The following PEX1 variants were observed in gnomAD, a reference collection of about 807,000 sequenced individuals.
The protein encoded by PEX1 is peroxisomal ATPase PEX1.
Under a neutral mutation model 152.5 loss-of-function variants are expected in PEX1, and 97 were observed. That is an observed-to-expected ratio of 0.64 (90% CI 0.54 to 0.75). The LOEUF is 0.75. Ranked by LOEUF, PEX1 falls within the 30% of genes least tolerant of loss-of-function variation. PEX1 has a pLI of 0.00. For synonymous variants in PEX1, 485 were observed against 531.6 expected, an observed-to-expected ratio of 0.91 and a Z score of 1.21; for missense variants, 1,357 against 1,516.3, an observed-to-expected ratio of 0.89 and a Z score of 1.74.
chr7:92,498,248 A>AG (rs1269866315), intron 16 of PEX1, among the ~76,000 whole-genome samples: 2 of 151,998 alleles, frequency 1.3e-5, no homozygotes, highest in African/African-American at 4.8e-5. Context: ...TCACGTCTGT[A>AG]ATCCCAGAAC....
At chr7:92,526,931 CAT>C (rs1163384096) in intron 1 of PEX1, among the ~76,000 whole-genome samples, 1 of 152,056 alleles carries the variant, frequency 6.6e-6, no homozygotes, top group Non-Finnish European at 1.5e-5. Flanking sequence ...TTCTATAAAA[CAT>C]AAATTCTATA....
At chr7:92,515,016 C>G (rs112653701) in intron 5 of PEX1, among the ~76,000 whole-genome samples, 1 of 143,568 alleles carries the variant, frequency 7.0e-6, no homozygotes, top group Non-Finnish European at 1.5e-5. Context: ...CACCACACTC[C>G]GGCCTGGGCG....
rs746349696 is a variant in PEX1 at position 92,511,656 on chromosome 7, C to A, written c.1407G>T (p.Trp469Cys). Residue 469 changes from tryptophan to cysteine, a missense_variant, in exon 7 of 24, where the codon TGG becomes TGT. Trp to Cys is a radical substitution (Grantham distance 215, BLOSUM62 -2). Coordinates refer to ENST00000248633, the MANE Select transcript of PEX1 (RefSeq NM_000466.3). The stretch of plus-strand genomic sequence containing the variant: ...GCATGGTGGTAGTAGACTGCTGTAG[C>A]CATGAATAAAATACAGTTTTTATGT... Reference protein sequence around the residue: ...EEDIKTVFYSWLQQSTTTMLP... With the variant: ...EEDIKTVFYSCLQQSTTTMLP... 2.5e-6 allele frequency: 4 copies of A among 1,611,628 alleles called. No individual in the cohort carries two copies. The Admixed American group carries it at 5.0e-5, about 20-fold the overall frequency.
intron 19 of PEX1, chr7:92,493,856 T>C (rs1585219512): frequency 5.1e-6 from 1 of 195,766 alleles, no homozygotes; most frequent in South Asian, 9.7e-5. Context: ...ATTTGTTTGC[T>C]TCTAAATTGG....
At chr7:92,507,263 G>T in intron 9 of PEX1, 137 bp from the exon 10 acceptor site, 1 of 709,908 alleles carries the variant, frequency 1.4e-6, no homozygotes, top group Non-Finnish European at 2.2e-6. Flanking sequence ...TTTTGAGAAA[G>T]GGGCTTGCTG....
Position 92,506,741 on chromosome 7 carries a change from C to A in PEX1, c.1803+253G>T, listed in dbSNP as rs76363051. Reference sequence around the variant, plus strand: ...CACCTAATAGCCTAAAAAAGAAAAACCATATAATTGTATCAACTGACACAG... The same window carrying A: ...CACCTAATAGCCTAAAAAAGAAAAAACATATAATTGTATCAACTGACACAG... On this transcript the variant is annotated intron_variant, in intron 10 of 23. Transcript: ENST00000248633. 9.1e-4 allele frequency: 493 copies of A among 539,332 alleles called. 1 individual carries two copies. The East Asian group carries it at 0.014, about 15-fold the overall frequency. The allele number at this position is 539,332 out of a possible 1,614,324, so 33.4% of individuals were successfully genotyped here.
At chr7:92,497,486 T>C (rs1791709809) in intron 16 of PEX1, among the ~76,000 whole-genome samples, 2 of 151,024 alleles carry the variant, frequency 1.3e-5, no homozygotes, top group South Asian at 4.2e-4. Flanking sequence ...TAATCTTCCC[T>C]AAAAGCCAAC....
At chr7:92,507,981 T>C (rs1049441063) in intron 9 of PEX1, among the ~76,000 whole-genome samples, 1 of 152,130 alleles carries the variant, frequency 6.6e-6, no homozygotes, top group African/African-American at 2.4e-5. Context: ...TTTTAAAATA[T>C]GCAGTTACTA....
rs545386280 is a variant in PEX1 at position 92,509,265 on chromosome 7, A to G, written c.1670+64T>C. The G allele has an allele frequency of 4.5e-5, 47 of 1,055,326 alleles. 1 individual carries two copies. The highest frequency in any genetic ancestry group is 1.5e-4 in the Admixed American group (9 of 58,894). 65.4% of individuals were successfully genotyped at this position (1,055,326 alleles called of 1,614,324 possible). On this transcript the variant is annotated intron_variant, in intron 9 of 23. Transcript: ENST00000248633. ...AACATCTACTTTAATATTTACATTGAAAACTCTGCCAGATATAGTGTTAAA... is the reference window on the plus strand; with the variant it reads ...AACATCTACTTTAATATTTACATTGGAAACTCTGCCAGATATAGTGTTAAA...
chr7:92,501,515 G>T lies in PEX1; in HGVS notation c.2575C>A (p.Pro859Thr), dbSNP rs1214888465. 1.2e-6 allele frequency: 2 copies of T among 1,612,858 alleles called. No individual in the cohort carries two copies. Among genetic ancestry groups the T allele is most frequent in the Non-Finnish European group, 1.7e-6 (2 of 1,178,992 alleles). ...TCTTTTTTTAAACATACCTTGGCAGGTAACTGGATAGTATCCATGAGTATC... is the reference window on the plus strand; with the variant it reads ...TCTTTTTTTAAACATACCTTGGCAGTTAACTGGATAGTATCCATGAGTATC... Reference protein sequence around the residue: ...RQILMDTIQLPAKYPELFANL... With the variant: ...RQILMDTIQLTAKYPELFANL... Residue 859 changes from proline (P) to threonine (T), a missense_variant, in exon 15 of 24, where the codon CCT becomes ACT. Transcript: ENST00000248633.
chr7:92,517,508 A>G lies in PEX1; in HGVS notation c.1007T>C (p.Val336Ala), dbSNP rs1792849176. Residue 336 changes from valine to alanine, a missense_variant, in exon 5 of 24, where the codon GTT becomes GCT. By Grantham distance (64) the Val-to-Ala change is moderately conservative. Coordinates refer to ENST00000248633, the MANE Select transcript of PEX1 (RefSeq NM_000466.3). ...PSFTVTYGKL[V>A]KLLSPKQQQS... Reference sequence around the variant, plus strand: ...CTGTTGCTTTGGAGAAAGTAGCTTAACTAGCTTTCCATATGTCACAGTAAA... The same window carrying G: ...CTGTTGCTTTGGAGAAAGTAGCTTAGCTAGCTTTCCATATGTCACAGTAAA... The G allele has an allele frequency of 1.9e-6, 3 of 1,614,026 alleles. No homozygotes were observed. Among genetic ancestry groups the G allele is most frequent in the Non-Finnish European group, 2.5e-6 (3 of 1,179,994 alleles).
At position 92,504,893 on chromosome 7, in the gene PEX1, A is replaced by T. The variant is rs2116166330; in HGVS notation, c.1910T>A (p.Leu637His). 1 of 1,612,840 alleles carries T rather than the reference A, an allele frequency of 6.2e-7. No homozygotes were observed. Among genetic ancestry groups the T allele is most frequent in the South Asian group, 1.1e-5 (1 of 91,050 alleles). ...VDCKALRGKR[L>H]ENIQKTLEVA... ...CTCTAGGGTTTTTTGTATGTTTTCAAGCCTTTTTCCTTAATACAGAAGATA... is the reference window on the plus strand; with the variant it reads ...CTCTAGGGTTTTTTGTATGTTTTCATGCCTTTTTCCTTAATACAGAAGATA... Residue 637 changes from leucine (L) to histidine (H), a missense_variant, in exon 12 of 24, where the codon CTT becomes CAT. Physicochemically the swap from Leu to His is moderately conservative, Grantham distance 99. Coordinates refer to ENST00000248633, the MANE Select transcript of PEX1 (RefSeq NM_000466.3).
chr7:92,489,698 G>A lies in PEX1; in HGVS notation c.3636+16C>T. 2.5e-6 allele frequency: 4 copies of A among 1,604,512 alleles called. No homozygotes were observed. Among genetic ancestry groups the A allele is most frequent in the East Asian group, 2.2e-5 (1 of 44,822 alleles). On this transcript the variant is annotated intron_variant, in intron 22 of 23. Coordinates refer to ENST00000248633, the MANE Select transcript of PEX1 (RefSeq NM_000466.3). The stretch of plus-strand genomic sequence containing the variant: ...AAGAAGTTTTAACAATTATAATGAG[G>A]GGGAAAAAGCCATACTCCACTTTGG...
At chr7:92,504,662 T>G in intron 12 of PEX1, 70 bp downstream of exon 12, 1 of 1,425,648 alleles carries the variant, frequency 7.0e-7, no homozygotes, top group Non-Finnish European at 9.8e-7. Flanking sequence ...AGAGAGTAGA[T>G]TTATTGTTAA....
chr7:92,492,465 C>A lies in PEX1; in HGVS notation c.3207+488G>T, dbSNP rs1168590300. On this transcript the variant is annotated intron_variant, in intron 20 of 23. Coordinates refer to ENST00000248633, the MANE Select transcript of PEX1 (RefSeq NM_000466.3). ...TACAGGCGTGAACCACTGCACCTGG[C>A]CAAGAATAACTTACTGTATCTGGAA... Among the ~76,000 whole-genome samples the A allele has an allele frequency of 5.3e-5, 8 of 152,178 alleles. No individual in the cohort carries two copies. In the South Asian group the frequency reaches 1.5e-3, roughly 28 times the overall value.
chr7:92,495,582 T>A (rs1033099206), intron 17 of PEX1, among the ~76,000 whole-genome samples: 1 of 152,178 alleles, frequency 6.6e-6, no homozygotes, highest in Non-Finnish European at 1.5e-5. Context: ...AGTTTTCAAA[T>A]GTATTGGCAT....
chr7:92,508,257 G>A (rs557831413), intron 9 of PEX1, among the ~76,000 whole-genome samples: 283 of 152,214 alleles, frequency 1.9e-3, no homozygotes, highest in Non-Finnish European at 3.6e-3. Context: ...AGTCTGAAGA[G>A]ATTTTACTTT....
At position 92,517,921 on chromosome 7, in the gene PEX1, T is replaced by A. The variant is rs377754178; in HGVS notation, c.594A>T (p.Lys198Asn). 6.3e-7 allele frequency: 1 copy of A among 1,580,174 alleles called. No individual in the cohort carries two copies. The change falls in exon 5 of 24, where the codon AAA becomes AAT. Residue 198 changes from lysine to asparagine, a missense_variant. Physicochemically the swap from Lys to Asn is moderately conservative, Grantham distance 94. Coordinates refer to ENST00000248633, the MANE Select transcript of PEX1 (RefSeq NM_000466.3). Reference protein sequence around the residue: ...TFSKADAEYKKLHSYGRDQKG... With the variant: ...TFSKADAEYKNLHSYGRDQKG... Reference sequence around the variant, plus strand: ...TCTGGTCTCTTCCATAACTATGAAGTTTTTTATATTCAGCATCAGCTTTTG... The same window carrying A: ...TCTGGTCTCTTCCATAACTATGAAGATTTTTATATTCAGCATCAGCTTTTG...
At chr7:92,504,290 T>C (rs1257050835) in intron 12 of PEX1, among the ~76,000 whole-genome samples, 2 of 152,076 alleles carry the variant, frequency 1.3e-5, no homozygotes, top group African/African-American at 2.4e-5. Context: ...AATATCTTCA[T>C]GTAGAATACA....
Sources: gnomAD v4.1 joint callset for allele counts (sites outside exome capture counted in the v4.1 genomes callset) on GRCh38, gnomAD v4.1.1 for gene constraint, MANE v1.5 for transcripts, NCBI Gene and HGNC (gene_info 2026-07-23, HGNC 2026-07-21) for gene names.